THSD7B: variants seen among roughly 807,000 people sequenced by gnomAD.
THSD7B encodes thrombospondin type-1 domain-containing protein 7B.
THSD7B carries 138 observed loss-of-function variants against 213.6 expected under a neutral mutation model. The observed-to-expected ratio is 0.65, with a 90% CI of 0.56 to 0.74. The LOEUF is 0.74. Ranked by LOEUF, THSD7B falls within the 30% of genes least tolerant of loss-of-function variation. THSD7B has a pLI of 0.00. For missense variants in THSD7B, 1,931 were observed against 1,991.5 expected (o/e 0.97, Z 0.58); for synonymous variants, 742 against 687.0 (o/e 1.08, Z -1.25).
chr2:136,928,930 T>C (rs1684587045), intron 2 of THSD7B, among the ~76,000 whole-genome samples: 1 of 152,120 alleles, frequency 6.6e-6, no homozygotes, highest in African/African-American at 2.4e-5. Flanking sequence ...TCTATAAACA[T>C]GAGTGAGCTA....
chr2:137,061,051 T>A (rs1340669324), intron 3 of THSD7B, among the ~76,000 whole-genome samples: 1 of 151,856 alleles, frequency 6.6e-6, no homozygotes, highest in Admixed American at 6.6e-5. Flanking sequence ...TTAAAAAAAA[T>A]ATATCTTGTA....
chr2:137,425,043 G>A (rs1237024533), intron 14 of THSD7B, among the ~76,000 whole-genome samples: 1 of 150,390 alleles, frequency 6.6e-6, no homozygotes, highest in Non-Finnish European at 1.5e-5. Flanking sequence ...CTGCACTCCA[G>A]CCTGGGCGAC....
intron 21 of THSD7B, among the ~76,000 whole-genome samples, chr2:137,647,763 G>A (rs1485664432): frequency 2.0e-5 from 3 of 152,128 alleles, no homozygotes. Flanking sequence ...GACACCCCAT[G>A]ACCTGTCTGG....
At chr2:137,202,496 G>C (rs111404005) in intron 7 of THSD7B, among the ~76,000 whole-genome samples, 5 of 152,152 alleles carry the variant, frequency 3.3e-5, no homozygotes, top group Non-Finnish European at 7.3e-5. Flanking sequence ...CGGGGGCATC[G>C]ACTGCCACAG....
chr2:137,583,333 T>C (rs1324015420), intron 17 of THSD7B, among the ~76,000 whole-genome samples: 5 of 152,238 alleles, frequency 3.3e-5, no homozygotes. Context: ...GCATAAGCTC[T>C]TTAGTGTAAT....
intron 16 of THSD7B, among the ~76,000 whole-genome samples, chr2:137,566,930 A>G (rs1399259276): frequency 6.6e-6 from 1 of 152,276 alleles, no homozygotes; most frequent in Non-Finnish European, 1.5e-5. Context: ...AAATATAGTG[A>G]GAGACCTGAA....
chr2:136,848,976 G>A (rs1474876420), intron 1 of THSD7B, among the ~76,000 whole-genome samples: 5 of 152,066 alleles, frequency 3.3e-5, no homozygotes, highest in Non-Finnish European at 5.9e-5. Flanking sequence ...GCATCTCTGA[G>A]TATTCTAATA....
intron 1 of THSD7B, among the ~76,000 whole-genome samples, chr2:136,842,993 G>T (rs1344898355): frequency 6.6e-6 from 1 of 151,946 alleles, no homozygotes; most frequent in East Asian, 1.9e-4. Flanking sequence ...ATCAGGTACT[G>T]ACTGGCATGG....
At chr2:137,155,501 G>T (rs560469885) in intron 5 of THSD7B, among the ~76,000 whole-genome samples, 2 of 152,298 alleles carry the variant, frequency 1.3e-5, no homozygotes, top group Admixed American at 6.5e-5. Context: ...AAACATCGTG[G>T]CTGGAGTTTG....
At chr2:137,266,246 A>G (rs1682587461) in intron 10 of THSD7B, among the ~76,000 whole-genome samples, 1 of 152,250 alleles carries the variant, frequency 6.6e-6, no homozygotes, top group Non-Finnish European at 1.5e-5. Context: ...TATAAGAACT[A>G]GAAACTTTTA....
intron 3 of THSD7B, among the ~76,000 whole-genome samples, chr2:137,065,204 AT>A (rs1429146493): frequency 2.0e-5 from 3 of 151,744 alleles, no homozygotes; most frequent in African/African-American, 7.3e-5. Context: ...TTGGTGTTTT[AT>A]AGTTTTCATT....
intron 2 of THSD7B, among the ~76,000 whole-genome samples, chr2:137,027,768 G>C (rs922194368): frequency 1.3e-5 from 2 of 152,116 alleles, no homozygotes; most frequent in African/African-American, 4.8e-5. Context: ...GCTGAGGGTA[G>C]GCACTTAATA....
intron 14 of THSD7B, among the ~76,000 whole-genome samples, chr2:137,429,963 C>A (rs1203858655): frequency 6.6e-6 from 1 of 152,076 alleles, no homozygotes; most frequent in Non-Finnish European, 1.5e-5. Context: ...TTAAGTAGGG[C>A]CAGGTGCAGT....
chr2:137,233,423 C>A, intron 9 of THSD7B, among the ~76,000 whole-genome samples: 1 of 152,160 alleles, frequency 6.6e-6, no homozygotes, highest in Admixed American at 6.5e-5. Context: ...TTTTCTAGAG[C>A]TGATCTCTGT....
At chr2:137,554,999 G>T (rs1471310616) in intron 15 of THSD7B, among the ~76,000 whole-genome samples, 1 of 152,200 alleles carries the variant, frequency 6.6e-6, no homozygotes, top group African/African-American at 2.4e-5. Flanking sequence ...CTGAGGGAGG[G>T]GCGCCCACCA....
At chr2:137,352,809 T>G (rs1219452535) in intron 12 of THSD7B, among the ~76,000 whole-genome samples, 2 of 152,008 alleles carry the variant, frequency 1.3e-5, no homozygotes, top group African/African-American at 4.8e-5. Context: ...GGGAGAAAAA[T>G]GTATTGAGAA....
chr2:136,879,030 T>C (rs1236107251), intron 1 of THSD7B, among the ~76,000 whole-genome samples: 1 of 152,210 alleles, frequency 6.6e-6, no homozygotes, highest in East Asian at 1.9e-4. Flanking sequence ...GGTTTTCTTC[T>C]AGGGTTTTTA....
At chr2:136,797,776 A>T (rs1019868519) in intron 1 of THSD7B, among the ~76,000 whole-genome samples, 6 of 151,976 alleles carry the variant, frequency 3.9e-5, no homozygotes, top group Non-Finnish European at 7.4e-5. Context: ...TCAGAGCATT[A>T]GTACCTTAGA....
chr2:137,307,503 T>C (rs548208974), intron 12 of THSD7B, among the ~76,000 whole-genome samples: 1 of 152,272 alleles, frequency 6.6e-6, no homozygotes, highest in Non-Finnish European at 1.5e-5. Context: ...GAAATCCATT[T>C]ACCTTCTGAA....
Sources: gnomAD v4.1 joint callset for allele counts (sites outside exome capture counted in the v4.1 genomes callset) on GRCh38, gnomAD v4.1.1 for gene constraint, MANE v1.5 for transcripts, NCBI Gene and HGNC (gene_info 2026-07-23, HGNC 2026-07-21) for gene names.